Variants in LRMDA observed in about 807,000 individuals in gnomAD.
LRMDA encodes leucine rich melanocyte differentiation associated.
Under a neutral mutation model 29.8 loss-of-function variants are expected in LRMDA, and 18 were observed. The ratio of observed to expected loss-of-function variants is 0.60; its 90% CI spans 0.42 to 0.90. The LOEUF is 0.90. Ranked by LOEUF, LRMDA falls within the 40% of genes least tolerant of loss-of-function variation. LRMDA has a pLI of 0.00. For missense variants in LRMDA, 273 were observed against 273.9 expected (o/e 1.00, Z 0.02); for synonymous variants, 125 against 109.4 (o/e 1.14, Z -0.89).
chr10:75,474,472 A>G (rs900823514), intron 2 of LRMDA, among the ~76,000 whole-genome samples: 3 of 152,186 alleles, frequency 2.0e-5, no homozygotes, highest in South Asian at 2.1e-4. Context: ...GGATCCATTC[A>G]TGAGACTCTG....
intron 2 of LRMDA, among the ~76,000 whole-genome samples, chr10:75,988,650 C>G (rs1453365664): frequency 6.6e-6 from 1 of 151,990 alleles, no homozygotes; most frequent in Non-Finnish European, 1.5e-5. Context: ...TTATTCCTAG[C>G]AGAGCAGCCA....
intron 6 of LRMDA, among the ~76,000 whole-genome samples, chr10:76,466,972 G>C (rs1251623615): frequency 6.6e-6 from 1 of 152,122 alleles, no homozygotes; most frequent in Non-Finnish European, 1.5e-5. Flanking sequence ...CCATCATAAG[G>C]ATGTATCATC....
intron 5 of LRMDA, among the ~76,000 whole-genome samples, chr10:76,105,531 A>T (rs1485132860): frequency 6.6e-6 from 1 of 152,138 alleles, no homozygotes; most frequent in Non-Finnish European, 1.5e-5. Flanking sequence ...AATAGAAGAG[A>T]CAGGGAAACA....
At chr10:76,145,062 A>C (rs1360785653) in intron 5 of LRMDA, among the ~76,000 whole-genome samples, 3 of 152,162 alleles carry the variant, frequency 2.0e-5, no homozygotes, top group Non-Finnish European at 2.9e-5. Flanking sequence ...ATGGAGGATA[A>C]GCTTTTTGAT....
At chr10:76,293,061 C>T (rs1164430228) in intron 5 of LRMDA, among the ~76,000 whole-genome samples, 2 of 152,164 alleles carry the variant, frequency 1.3e-5, no homozygotes, top group Non-Finnish European at 2.9e-5. Flanking sequence ...GCAAGCTCCA[C>T]CTCCCGCCTC....
chr10:75,878,798 C>T (rs962846846), intron 2 of LRMDA, among the ~76,000 whole-genome samples: 1 of 152,128 alleles, frequency 6.6e-6, no homozygotes, highest in Admixed American at 6.5e-5. Flanking sequence ...GGCTGGCTTC[C>T]AGGGCCCCAG....
chr10:75,754,291 G>A (rs909480479), intron 2 of LRMDA, among the ~76,000 whole-genome samples: 2 of 152,202 alleles, frequency 1.3e-5, no homozygotes, highest in African/African-American at 4.8e-5. Context: ...TCTGTTATGG[G>A]AATTGATGGC....
chr10:75,790,355 A>G (rs1257141071), intron 2 of LRMDA, among the ~76,000 whole-genome samples: 2 of 152,252 alleles, frequency 1.3e-5, no homozygotes, highest in Non-Finnish European at 2.9e-5. Flanking sequence ...ATTAGATGAT[A>G]TAAAGTAAAC....
intron 6 of LRMDA, among the ~76,000 whole-genome samples, chr10:76,427,982 G>C (rs1842147348): frequency 6.6e-6 from 1 of 152,136 alleles, no homozygotes; most frequent in Non-Finnish European, 1.5e-5. Context: ...TACGCTTTTT[G>C]ATGTGCTCCT....
At chr10:75,922,479 G>A (rs1196624781) in intron 2 of LRMDA, among the ~76,000 whole-genome samples, 2 of 152,178 alleles carry the variant, frequency 1.3e-5, no homozygotes, top group East Asian at 3.9e-4. Context: ...GTTCTTATTA[G>A]CCAGTTTGGA....
intron 2 of LRMDA, among the ~76,000 whole-genome samples, chr10:75,793,593 T>C (rs1843603972): frequency 6.6e-6 from 1 of 152,204 alleles, no homozygotes; most frequent in South Asian, 2.1e-4. Flanking sequence ...CTGGTCCCCT[T>C]GTGTGAATGG....
intron 6 of LRMDA, among the ~76,000 whole-genome samples, chr10:76,489,532 T>G (rs1437556225): frequency 6.6e-6 from 1 of 151,970 alleles, no homozygotes; most frequent in Non-Finnish European, 1.5e-5. Context: ...CTGATCTTTA[T>G]TATTTATTTT....
intron 6 of LRMDA, among the ~76,000 whole-genome samples, chr10:76,384,402 A>G (rs1444452668): frequency 6.6e-6 from 1 of 152,216 alleles, no homozygotes; most frequent in East Asian, 1.9e-4. Context: ...AGAGAGACAC[A>G]TGTGAAAACA....
chr10:75,538,512 A>AG (rs1232089548), intron 2 of LRMDA, among the ~76,000 whole-genome samples: 1 of 152,218 alleles, frequency 6.6e-6, no homozygotes, highest in Non-Finnish European at 1.5e-5. Flanking sequence ...TAGACTGTTC[A>AG]AATCATAGGG....
intron 2 of LRMDA, among the ~76,000 whole-genome samples, chr10:75,606,206 CCTT>C (rs975669114): frequency 1.3e-5 from 2 of 150,088 alleles, no homozygotes; most frequent in African/African-American, 2.5e-5. Flanking sequence ...GCTGGTAACT[CCTT>C]CTCTTAAACC....
chr10:76,261,354 G>A (rs370120463), intron 5 of LRMDA, among the ~76,000 whole-genome samples: 5 of 151,928 alleles, frequency 3.3e-5, no homozygotes, highest in African/African-American at 1.2e-4. Context: ...TTACAGGCGT[G>A]AGCTACTGCG....
rs574761511 is a variant in LRMDA, at chr10:75,988,248, T to C, written c.132-47760T>C. Among the ~76,000 whole-genome samples, 11 of 152,334 alleles carry C rather than the reference T, an allele frequency of 7.2e-5. 1 individual carries two copies. The South Asian group carries it at 1.9e-3, about 26-fold the overall frequency. ...AAAGGCATGGGACACTGGGCAGCTATACTGATGGCTGCAAAGGTGTGGGAT... is the reference window on the plus strand; with the variant it reads ...AAAGGCATGGGACACTGGGCAGCTACACTGATGGCTGCAAAGGTGTGGGAT... On this transcript the variant is annotated intron_variant, in intron 2 of 6. Coordinates refer to ENST00000611255, the MANE Select transcript of LRMDA (RefSeq NM_001305581.2).
chr10:76,136,284 T>G (rs769225710), intron 5 of LRMDA, among the ~76,000 whole-genome samples: 3 of 152,212 alleles, frequency 2.0e-5, no homozygotes, highest in African/African-American at 4.8e-5. Flanking sequence ...ATAGGGAATC[T>G]TCTTTTTGTG....
At chr10:75,613,481 C>G (rs1841060461) in intron 2 of LRMDA, among the ~76,000 whole-genome samples, 1 of 152,112 alleles carries the variant, frequency 6.6e-6, no homozygotes, top group African/African-American at 2.4e-5. Flanking sequence ...CTCTGTCCTC[C>G]TTATCTGCAC....
Sources: allele counts gnomAD v4.1 joint callset (sites outside exome capture counted in the v4.1 genomes callset), GRCh38; gene constraint gnomAD v4.1.1; transcripts MANE v1.5; gene names NCBI Gene and HGNC (gene_info 2026-07-23, HGNC 2026-07-21).